The following MEIS2 variants were observed in gnomAD, a reference collection of about 807,000 sequenced individuals.
MEIS2 encodes the protein Meis homeobox 2.
In MEIS2, 9 loss-of-function variants were observed where a neutral mutation model predicts 58.6. The observed-to-expected ratio is 0.15, with a 90% CI of 0.09 to 0.27. The LOEUF (loss-of-function observed/expected upper bound fraction) is 0.27. Among genes scored for constraint, MEIS2 ranks in the 10% least tolerant of loss-of-function variants. The probability of loss-of-function intolerance (pLI) is 1.00; values close to 1 mark genes in which losing one functional copy is unlikely to be tolerated. For missense variants in MEIS2, 427 were observed against 635.0 expected (o/e 0.67, Z 3.52); for synonymous variants, 221 against 228.4 (o/e 0.97, Z 0.29).
chr15:36,900,244 A>G (rs1262852225), intron 9 of MEIS2, among the ~76,000 whole-genome samples: 1 of 152,200 alleles, frequency 6.6e-6, no homozygotes, highest in African/African-American at 2.4e-5. Flanking sequence ...GTCTAGCTCT[A>G]TCTAGATTTC....
chr15:36,904,495 T>C (rs2056628332), intron 9 of MEIS2, among the ~76,000 whole-genome samples: 1 of 152,146 alleles, frequency 6.6e-6, no homozygotes, highest in Non-Finnish European at 1.5e-5. Flanking sequence ...GAAAGAATGC[T>C]CCATTTTTTC....
At chr15:37,022,974 C>T (rs544006502) in intron 8 of MEIS2, among the ~76,000 whole-genome samples, 12 of 152,210 alleles carry the variant, frequency 7.9e-5, no homozygotes, top group African/African-American at 2.9e-4. Flanking sequence ...TTTTTTCTTA[C>T]TGATTTGTAC....
Position 36,957,125 on chromosome 15 carries a change from T to C in MEIS2, c.901-6725A>G, listed in dbSNP as rs1467651901. 3.9e-5 allele frequency among the ~76,000 whole-genome samples: 6 copies of C among 152,124 alleles called. No homozygotes were observed. The South Asian group carries it at 8.3e-4, about 21-fold the overall frequency. Reference sequence around the variant, plus strand: ...AGATAGAGGCTTTAAGCATGCAATGTACATGAAAGTGTGAACATTTTGTAT... The same window carrying C: ...AGATAGAGGCTTTAAGCATGCAATGCACATGAAAGTGTGAACATTTTGTAT... On this transcript the variant is annotated intron_variant, in intron 8 of 11. Transcript: ENST00000561208.
At chr15:37,046,482 C>G (rs148506238) in intron 7 of MEIS2, among the ~76,000 whole-genome samples, 1 of 152,054 alleles carries the variant, frequency 6.6e-6, no homozygotes, top group African/African-American at 2.4e-5. Context: ...ATTCAGACTG[C>G]AGCTTGGATG....
At chr15:36,897,348 AC>A (rs2056231990) in intron 9 of MEIS2, 1 of 152,220 alleles carries the variant, frequency 6.6e-6, no homozygotes, top group African/African-American at 2.4e-5. Flanking sequence ...CCACCTTTCA[AC>A]CCACTAGAAA....
chr15:37,097,999 G>T lies in MEIS2; in HGVS notation c.213C>A (p.Asp71Glu). 3.7e-6 allele frequency: 6 copies of T among 1,609,474 alleles called. 1 individual carries two copies. In the South Asian group the frequency reaches 6.6e-5, roughly 18 times the overall value. ...TCGCGTCCTTGTCCCGCTTCAAGGC[G>T]TCGTTGACAGCGGATCCCATACTGG... ...MPASMGSAVN[D>E]ALKRDKDAIY... Residue 71 changes from aspartate to glutamate, a missense_variant, in exon 2 of 12, where the codon GAC becomes GAA. This residue lies in a region of MEIS2 where 103 missense variants were observed against 111.8 expected (regional missense o/e 0.92). Transcript: ENST00000561208.
intron 9 of MEIS2, among the ~76,000 whole-genome samples, chr15:36,914,908 T>C (rs1250503075): frequency 2.0e-5 from 3 of 152,142 alleles, no homozygotes; most frequent in Non-Finnish European, 4.4e-5. Flanking sequence ...AGTCAACACG[T>C]GTTGTTATAA....
At chr15:36,921,968 G>A (rs528479016) in intron 9 of MEIS2, among the ~76,000 whole-genome samples, 1 of 152,344 alleles carries the variant, frequency 6.6e-6, no homozygotes, top group Admixed American at 6.5e-5. Context: ...TATTCCCAGA[G>A]TATCCAAGGA....
At chr15:37,053,745 A>G (rs2063021736) in intron 7 of MEIS2, among the ~76,000 whole-genome samples, 1 of 152,224 alleles carries the variant, frequency 6.6e-6, no homozygotes, top group South Asian at 2.1e-4. Flanking sequence ...ATTTCCACTA[A>G]AATATCTAGT....
In MEIS2 at chr15:36,891,895, A is replaced by C. The variant is rs2055879175; in HGVS notation, c.*278T>G. The C allele has an allele frequency of 4.3e-6, 2 of 468,340 alleles. No homozygotes were observed. The highest frequency in any genetic ancestry group is 7.5e-6 in the Non-Finnish European group (2 of 266,626). The allele number at this position is 468,340 out of a possible 1,614,324, so 29.0% of individuals were successfully genotyped here. On this transcript the variant is annotated 3_prime_UTR_variant, in exon 12 of 12. Coordinates refer to ENST00000561208, the MANE Select transcript of MEIS2 (RefSeq NM_170675.5). ...AACGGCGTGATCAACAGAAATGTAC[A>C]AGTTTAACTTAGTTCCTATATTTAT...
chr15:36,950,419 T>G lies in MEIS2; in HGVS notation c.901-19A>C, dbSNP rs2058714145. ...ACGGATGCTAATGGAAAAACAAATG[T>G]TTTAAAAGATGGATCAGAAGTTAAG... On this transcript the variant is annotated intron_variant, in intron 8 of 11. Transcript: ENST00000561208. 2.5e-6 allele frequency: 4 copies of G among 1,606,486 alleles called. No individual in the cohort carries two copies. The highest frequency in any genetic ancestry group is 3.4e-6 in the Non-Finnish European group (4 of 1,173,754).
At chr15:37,034,776 G>A (rs1161023793) in intron 8 of MEIS2, among the ~76,000 whole-genome samples, 2 of 152,230 alleles carry the variant, frequency 1.3e-5, no homozygotes, top group African/African-American at 2.4e-5. Context: ...TGAGCGTATT[G>A]ATGGTGGAGA....
At chr15:36,906,745 A>T (rs560015763) in intron 9 of MEIS2, among the ~76,000 whole-genome samples, 2 of 152,100 alleles carry the variant, frequency 1.3e-5, no homozygotes, top group African/African-American at 4.8e-5. Flanking sequence ...TCCAAGCTAC[A>T]TGAATATTCC....
At chr15:36,907,625 A>T (rs916030546) in intron 9 of MEIS2, among the ~76,000 whole-genome samples, 1 of 152,220 alleles carries the variant, frequency 6.6e-6, no homozygotes, top group African/African-American at 2.4e-5. Context: ...AGGTGGCAAC[A>T]TTCTTAGGGC....
At chr15:36,921,801 C>G (rs1270802016) in intron 9 of MEIS2, among the ~76,000 whole-genome samples, 2 of 150,618 alleles carry the variant, frequency 1.3e-5, no homozygotes, top group East Asian at 1.9e-4. Flanking sequence ...CAACAAGAAA[C>G]AAAGACTCAA....
chr15:36,898,116 A>T (rs2056279984), intron 9 of MEIS2: 1 of 152,236 alleles, frequency 6.6e-6, no homozygotes, highest in Non-Finnish European at 1.5e-5. Context: ...TCAGTTGTCA[A>T]AAAAGAAAGT....
At position 37,099,687 on chromosome 15, in the gene MEIS2, TTCTTCCTCCTCCTCCTGA is replaced by T. The variant is rs1283111100; in HGVS notation, c.-239_-222del. 2.7e-5 allele frequency: 14 copies of T among 522,182 alleles called. No homozygotes were observed. In the Admixed American group the frequency reaches 3.2e-4, roughly 12 times the overall value. 32.3% of individuals were successfully genotyped at this position (522,182 alleles called of 1,614,324 possible). A position where few individuals can be genotyped will look rare whatever the true frequency, so the allele number is the denominator to read the frequency against. ...TTTCTTCTTTTTCTCTTTTTTCCTC[TTCTTCCTCCTCCTCCTGA>T]TCTTCCTCCTCCTCCTCCACCTCCT... is the stretch of plus-strand genomic sequence containing the variant. On this transcript the variant is annotated 5_prime_UTR_variant, in exon 1 of 12. Coordinates refer to ENST00000561208, the MANE Select transcript of MEIS2 (RefSeq NM_170675.5).
At chr15:37,051,045 T>C (rs913797301) in intron 7 of MEIS2, 4 of 152,158 alleles carry the variant, frequency 2.6e-5, no homozygotes, top group Admixed American at 2.0e-4. Flanking sequence ...AGGTTAACCA[T>C]AAAAATTAAA....
rs1255733126 is a variant in MEIS2 at position 37,098,009 on chromosome 15, G to A, written c.203C>T (p.Ala68Val). Residue 68 changes from alanine to valine, a missense_variant, in exon 2 of 12, where the codon GCT becomes GTT. Ala to Val is a moderately conservative substitution (Grantham distance 64). This residue lies in a region of MEIS2 where 103 missense variants were observed against 111.8 expected (regional missense o/e 0.92). Coordinates refer to ENST00000561208, the MANE Select transcript of MEIS2 (RefSeq NM_170675.5). ...GTCCCGCTTCAAGGCGTCGTTGACA[G>A]CGGATCCCATACTGGCCGGCATGAC... ...PNVMPASMGS[A>V]VNDALKRDKD... 1 of 1,611,436 alleles carries A rather than the reference G, an allele frequency of 6.2e-7. No homozygotes were observed. Among genetic ancestry groups the A allele is most frequent in the South Asian group, 1.1e-5 (1 of 90,828 alleles).
Sources: allele counts gnomAD v4.1 joint callset (sites outside exome capture counted in the v4.1 genomes callset), GRCh38; gene constraint gnomAD v4.1.1; regional missense constraint gnomAD v4.1.1; transcripts MANE v1.5; gene names NCBI Gene and HGNC (gene_info 2026-07-23, HGNC 2026-07-21).